KIAA0319: variants seen among roughly 807,000 people sequenced by gnomAD.
The protein encoded by KIAA0319 is KIAA0319.
Under a neutral mutation model 108.4 loss-of-function variants are expected in KIAA0319, and 83 were observed. The observed-to-expected ratio is 0.77, with a 90% CI of 0.64 to 0.92. KIAA0319 has a LOEUF of 0.92. Ranked by LOEUF, KIAA0319 falls within the 40% of genes least tolerant of loss-of-function variation. The pLI is 0.00. For missense variants in KIAA0319, 1,195 were observed against 1,322.4 expected (o/e 0.90, Z 1.49); for synonymous variants, 484 against 510.4 (o/e 0.95, Z 0.70).
chr6:24,616,749 CTA>C (rs1232082233), intron 1 of KIAA0319, among the ~76,000 whole-genome samples: 2 of 152,272 alleles, frequency 1.3e-5, no homozygotes, highest in South Asian at 2.1e-4. Context: ...TTTATTATAA[CTA>C]TGTGAATATT....
chr6:24,551,333 G>A, intron 20 of KIAA0319, 101 bp downstream of exon 20: 1 of 797,504 alleles, frequency 1.3e-6, no homozygotes, highest in Admixed American at 2.0e-5. Flanking sequence ...TTAAAGTGCT[G>A]ACTCCAGCAA....
chr6:24,611,997 G>A (rs1242335267), intron 1 of KIAA0319, among the ~76,000 whole-genome samples: 3 of 150,786 alleles, frequency 2.0e-5, no homozygotes, highest in Non-Finnish European at 4.4e-5. Context: ...GTTGCAGAAA[G>A]CTGAGATCAC....
intron 5 of KIAA0319, among the ~76,000 whole-genome samples, chr6:24,582,623 A>G (rs1403992749): frequency 2.0e-5 from 3 of 150,474 alleles, no homozygotes; most frequent in African/African-American, 7.3e-5. Flanking sequence ...TTATAAAAAC[A>G]TACGTCTTAC....
intron 3 of KIAA0319, among the ~76,000 whole-genome samples, chr6:24,590,491 GCTCT>G (rs532272239): frequency 6.6e-6 from 1 of 152,098 alleles, no homozygotes; most frequent in Non-Finnish European, 1.5e-5. Context: ...TTGAATCTGT[GCTCT>G]CTAAGAATAG....
Position 24,645,920 on chromosome 6 carries a change from A to G in KIAA0319, c.-290T>C, listed in dbSNP as rs1340849244. On this transcript the variant is annotated 5_prime_UTR_variant, in exon 1 of 21. Transcript: ENST00000378214. ...ACCCTCGCGCGCGCACCTGCTGTTAAGAGGTACAGCCCCACCCCAGCAAAA... is the reference window on the plus strand; with the variant it reads ...ACCCTCGCGCGCGCACCTGCTGTTAGGAGGTACAGCCCCACCCCAGCAAAA... 4 of 152,920 alleles carry G rather than the reference A, an allele frequency of 2.6e-5. No homozygotes were observed. The highest frequency in any genetic ancestry group is 9.8e-5 in the African/African-American group (4 of 40,840). The allele number at this position is 152,920 out of a possible 1,614,324, so 9.5% of individuals were successfully genotyped here.
At chr6:24,580,766 A>C (rs558831869) in intron 7 of KIAA0319, among the ~76,000 whole-genome samples, 160 bp downstream of exon 7, 110 of 152,266 alleles carry the variant, frequency 7.2e-4, no homozygotes, top group Admixed American at 1.2e-3. Context: ...AGAAAAAAAA[A>C]CCAAAAATAT....
chr6:24,601,785 C>T (rs1411075861), intron 1 of KIAA0319, among the ~76,000 whole-genome samples: 1 of 152,210 alleles, frequency 6.6e-6, no homozygotes, highest in African/African-American at 2.4e-5. Context: ...ACAGAAGTTA[C>T]TGTTTAGCTT....
chr6:24,568,311 TAC>T (rs1350696578), intron 13 of KIAA0319, among the ~76,000 whole-genome samples: 5 of 152,218 alleles, frequency 3.3e-5, no homozygotes, highest in Non-Finnish European at 7.3e-5. Context: ...ATACTGAGGA[TAC>T]AGAGATGTCT....
intron 4 of KIAA0319, among the ~76,000 whole-genome samples, chr6:24,588,129 TG>T (rs1458643060): frequency 6.6e-6 from 1 of 152,228 alleles, no homozygotes; most frequent in African/African-American, 2.4e-5. Flanking sequence ...AGATGATGGA[TG>T]GGAAGCACTG....
At chr6:24,552,544 G>A (rs1761662205) in intron 19 of KIAA0319, among the ~76,000 whole-genome samples, 2 of 152,182 alleles carry the variant, frequency 1.3e-5, no homozygotes, top group African/African-American at 4.8e-5. Context: ...CTTACTTTGG[G>A]AACGTAATCA....
downstream of KIAA0319, chr6:24,544,021 C>G (rs1760324767): frequency 6.6e-6 from 1 of 152,230 alleles, no homozygotes; most frequent in South Asian, 2.1e-4. Context: ...ATAGTTTAGG[C>G]TTTGCAGACA....
intron 2 of KIAA0319, chr6:24,597,948 A>AC (rs1769974497): frequency 2.8e-5 from 4 of 141,174 alleles, no homozygotes; most frequent in African/African-American, 1.1e-4. Flanking sequence ...AAAAAAAAAA[A>AC]AACCACCTAG....
intron 1 of KIAA0319, among the ~76,000 whole-genome samples, chr6:24,638,228 T>C (rs1374800966): frequency 6.6e-6 from 1 of 152,110 alleles, no homozygotes; most frequent in African/African-American, 2.4e-5. Flanking sequence ...AATAACAAGA[T>C]AGTAAGATTT....
intron 10 of KIAA0319, 69 bp downstream of exon 10, chr6:24,576,299 C>T: frequency 8.0e-7 from 1 of 1,244,644 alleles, no homozygotes; most frequent in Non-Finnish European, 1.2e-6. Context: ...CTACCCCAAC[C>T]AATAGCACAT....
rs1767930139 is a variant in KIAA0319, at chr6:24,588,633, T to A, written c.954A>T (p.Pro318=). The change falls in exon 4 of 21, where the codon CCA becomes CCT. Residue 318 remains proline (P), a synonymous_variant. Transcript: ENST00000378214. ...TGGTAGGAGATATGGGTAGCTCAGA[T>A]GGGGTGGACTCAGAGGGGGCTGCGC... The part of the protein sequence containing the change: ...PTSAAPSEST[P]SELPISPTTA... 6.2e-7 allele frequency: 1 copy of A among 1,613,844 alleles called. No homozygotes were observed. Among genetic ancestry groups the A allele is most frequent in the Admixed American group, 1.7e-5 (1 of 59,980 alleles).
chr6:24,621,856 A>C (rs1246440565), intron 1 of KIAA0319, among the ~76,000 whole-genome samples: 1 of 152,216 alleles, frequency 6.6e-6, no homozygotes, highest in East Asian at 1.9e-4. Context: ...CCAAGCCCTG[A>C]GCCAATGGAT....
intron 2 of KIAA0319, chr6:24,600,777 C>A: frequency 1.2e-6 from 1 of 814,844 alleles, no homozygotes. Flanking sequence ...ATCTAGTATG[C>A]AATTCTTTTC....
chr6:24,602,858 T>C (rs937574996), intron 1 of KIAA0319, among the ~76,000 whole-genome samples: 1 of 152,120 alleles, frequency 6.6e-6, no homozygotes, highest in African/African-American at 2.4e-5. Flanking sequence ...AAGCTCATGA[T>C]GGCACGCAGG....
At chr6:24,624,203 GTTT>G (rs35622777) in intron 1 of KIAA0319, among the ~76,000 whole-genome samples, 1 of 92,830 alleles carries the variant, frequency 1.1e-5, no homozygotes, top group South Asian at 3.9e-4. Context: ...TTTTGGGGTT[GTTT>G]TTTTTTTTTT....
Sources: gnomAD v4.1 joint callset for allele counts (sites outside exome capture counted in the v4.1 genomes callset) on GRCh38, gnomAD v4.1.1 for gene constraint, MANE v1.5 for transcripts, NCBI Gene and HGNC (gene_info 2026-07-23, HGNC 2026-07-21) for gene names.